Variants in MARCHF4 observed in about 807,000 individuals in gnomAD.
MARCHF4 encodes E3 ubiquitin-protein ligase MARCHF4.
Under a neutral mutation model 43.9 loss-of-function variants are expected in MARCHF4, and 14 were observed. The observed-to-expected ratio is 0.32, with a 90% CI of 0.21 to 0.50. The LOEUF (loss-of-function observed/expected upper bound fraction) is 0.50. MARCHF4 is among the 20% of genes least tolerant of loss of function. The pLI, the probability that MARCHF4 is intolerant of heterozygous loss-of-function variation, is 0.98. For missense variants in MARCHF4, 468 were observed against 536.7 expected (o/e 0.87, Z 1.27); for synonymous variants, 226 against 213.3 (o/e 1.06, Z -0.52).
chr2:216,346,005 A>C (rs991543713), intron 1 of MARCHF4, among the ~76,000 whole-genome samples: 1 of 152,118 alleles, frequency 6.6e-6, no homozygotes, highest in Non-Finnish European at 1.5e-5. Context: ...CCAATCATGA[A>C]CAAGTGCTTC....
At chr2:216,274,927 T>C (rs909841646) in intron 3 of MARCHF4, among the ~76,000 whole-genome samples, 1 of 152,154 alleles carries the variant, frequency 6.6e-6, no homozygotes, top group African/African-American at 2.4e-5. Context: ...AAAGGTGAGA[T>C]GGTCTAAATG....
intron 1 of MARCHF4, among the ~76,000 whole-genome samples, chr2:216,286,925 C>T (rs1691227412): frequency 6.6e-6 from 1 of 152,154 alleles, no homozygotes; most frequent in African/African-American, 2.4e-5. Flanking sequence ...GAATTCTCGC[C>T]CCCTCTACCC....
In MARCHF4 at chr2:216,316,327, G is replaced by C. The variant is rs574400424; in HGVS notation, c.517-32598C>G. 2.2e-4 allele frequency among the ~76,000 whole-genome samples: 33 copies of C among 152,260 alleles called. 1 individual carries two copies. Among genetic ancestry groups the C allele is most frequent in the African/African-American group, 7.5e-4 (31 of 41,536 alleles). On this transcript the variant is annotated intron_variant, in intron 1 of 3. Coordinates refer to ENST00000273067, the MANE Select transcript of MARCHF4 (RefSeq NM_020814.3). ...TTCTTAATTGTGCTTCCTGCTGTGG[G>C]GTCCCTGCCTGCTCACGCCCCTTTC...
chr2:216,271,392 A>G (rs1043214820), intron 3 of MARCHF4, among the ~76,000 whole-genome samples: 8 of 152,136 alleles, frequency 5.3e-5, no homozygotes, highest in Non-Finnish European at 1.0e-4. Flanking sequence ...TCTTCCTTCA[A>G]TAAGCCTTCC....
chr2:216,354,983 C>CTTTCTTTCTTTCT, intron 1 of MARCHF4, among the ~76,000 whole-genome samples: 1 of 96,948 alleles, frequency 1.0e-5, no homozygotes, highest in East Asian at 2.6e-4. Flanking sequence ...TTCTTTCTTT[C>CTTTCTTTCTTTCT]TTTTTTGAGA....
At chr2:216,307,923 G>A (rs1028230741) in intron 1 of MARCHF4, among the ~76,000 whole-genome samples, 2 of 152,116 alleles carry the variant, frequency 1.3e-5, no homozygotes, top group East Asian at 3.9e-4. Flanking sequence ...AGGCATGGTG[G>A]CATGCATCTA....
chr2:216,341,776 T>A (rs906582640), intron 1 of MARCHF4, among the ~76,000 whole-genome samples: 3 of 152,186 alleles, frequency 2.0e-5, no homozygotes, highest in Admixed American at 1.3e-4. Context: ...TCTCCCCTAC[T>A]GGGCTGGGAA....
chr2:216,281,835 T>A (rs1691133205), intron 2 of MARCHF4, among the ~76,000 whole-genome samples: 1 of 152,042 alleles, frequency 6.6e-6, no homozygotes, highest in Non-Finnish European at 1.5e-5. Context: ...TCCATATGGA[T>A]CCTTATAGAT....
intron 1 of MARCHF4, among the ~76,000 whole-genome samples, chr2:216,368,376 T>C (rs979712770): frequency 6.6e-6 from 1 of 152,166 alleles, no homozygotes; most frequent in Non-Finnish European, 1.5e-5. Context: ...TTTTCAACTC[T>C]GGACAACACT....
intron 1 of MARCHF4, among the ~76,000 whole-genome samples, chr2:216,312,529 T>G (rs1340260394): frequency 1.3e-5 from 2 of 152,222 alleles, no homozygotes; most frequent in African/African-American, 4.8e-5. Context: ...GCATTCCCTT[T>G]TCTCCATATC....
At chr2:216,322,363 AT>A (rs1691910645) in intron 1 of MARCHF4, among the ~76,000 whole-genome samples, 1 of 152,236 alleles carries the variant, frequency 6.6e-6, no homozygotes, top group Non-Finnish European at 1.5e-5. Flanking sequence ...TATCCCTGGA[AT>A]CTGGCCCAAT....
chr2:216,351,076 T>G (rs1369448691), intron 1 of MARCHF4, among the ~76,000 whole-genome samples: 2 of 152,214 alleles, frequency 1.3e-5, no homozygotes, highest in African/African-American at 4.8e-5. Flanking sequence ...TTTCATAGTT[T>G]TCTCCTGAAG....
intron 3 of MARCHF4, among the ~76,000 whole-genome samples, chr2:216,274,382 G>A (rs1574460458): frequency 6.6e-6 from 1 of 152,074 alleles, no homozygotes; most frequent in East Asian, 1.9e-4. Flanking sequence ...ATGTCTAGTT[G>A]AGCCTAAAAA....
chr2:216,331,457 CA>C (rs1292660943), intron 1 of MARCHF4, among the ~76,000 whole-genome samples: 1 of 151,934 alleles, frequency 6.6e-6, no homozygotes, highest in Non-Finnish European at 1.5e-5. Context: ...TGTGCAAACT[CA>C]AAAAATAGAG....
At chr2:216,270,158 C>G (rs981582554) in intron 3 of MARCHF4, among the ~76,000 whole-genome samples, 3 of 152,060 alleles carry the variant, frequency 2.0e-5, no homozygotes, top group African/African-American at 7.2e-5. Context: ...TCACTATAAC[C>G]TCAAACTCCT....
intron 3 of MARCHF4, among the ~76,000 whole-genome samples, chr2:216,271,165 G>T (rs1332247791): frequency 6.6e-6 from 1 of 152,086 alleles, no homozygotes; most frequent in Non-Finnish European, 1.5e-5. Flanking sequence ...GTGGGATTTG[G>T]CATGGCCAAC....
rs566643947 is a variant in MARCHF4, at chr2:216,357,638, G to A, written c.516+12107C>T. 4.6e-5 allele frequency among the ~76,000 whole-genome samples: 7 copies of A among 152,262 alleles called. No homozygotes were observed. The East Asian group carries it at 9.6e-4, about 21-fold the overall frequency. On this transcript the variant is annotated intron_variant, in intron 1 of 3. Transcript: ENST00000273067. ...GTCCAGCCTTCATTCTATATCTTTCGTGATGTTGAGACTTTGGAAAGTACT... is the reference window on the plus strand; with the variant it reads ...GTCCAGCCTTCATTCTATATCTTTCATGATGTTGAGACTTTGGAAAGTACT...
intron 1 of MARCHF4, among the ~76,000 whole-genome samples, chr2:216,338,413 G>T (rs1026862461): frequency 6.6e-6 from 1 of 152,174 alleles, no homozygotes; most frequent in African/African-American, 2.4e-5. Flanking sequence ...CTTCCTCCCA[G>T]CTCCACGTAG....
intron 1 of MARCHF4, among the ~76,000 whole-genome samples, chr2:216,286,532 A>AAG (rs1691221940): frequency 2.0e-5 from 3 of 151,432 alleles, no homozygotes; most frequent in South Asian, 2.1e-4. Context: ...AAAAAAAAAA[A>AAG]AAGAAGAAGA....
Sources: allele counts gnomAD v4.1 joint callset (sites outside exome capture counted in the v4.1 genomes callset), GRCh38; gene constraint gnomAD v4.1.1; transcripts MANE v1.5; gene names NCBI Gene and HGNC (gene_info 2026-07-23, HGNC 2026-07-21).